The following IQCK variants were observed in gnomAD, a reference collection of about 807,000 sequenced individuals.
IQCK encodes the protein IQ domain-containing protein K.
In IQCK, 29 loss-of-function variants were observed where a neutral mutation model predicts 28.1. The observed-to-expected ratio is 1.03, with a 90% CI of 0.77 to 1.41. The LOEUF is 1.41. Among genes scored for constraint, IQCK ranks in the 40% most tolerant of loss-of-function variants. The pLI, the probability that IQCK is intolerant of heterozygous loss-of-function variation, is 0.00. For synonymous variants in IQCK, 113 were observed against 115.1 expected (o/e 0.98, Z 0.12); for missense variants, 359 against 314.7 (o/e 1.14, Z -1.07).
chr16:19,721,012 GAA>G (rs1174204582), intron 1 of IQCK, among the ~76,000 whole-genome samples: 4 of 114,876 alleles, frequency 3.5e-5, no homozygotes, highest in African/African-American at 1.2e-4. Context: ...AATCCGTCTA[GAA>G]AAAAAAAAAA....
At chr16:19,721,867 C>G (rs1054265925) in intron 1 of IQCK, among the ~76,000 whole-genome samples, 1 of 152,128 alleles carries the variant, frequency 6.6e-6, no homozygotes, top group Non-Finnish European at 1.5e-5. Context: ...CGTGAGCCAC[C>G]GCGCCTGGCC....
intron 2 of IQCK, 116 bp from the exon 3 acceptor site, chr16:19,733,581 AC>A (rs1356746281): frequency 8.8e-7 from 1 of 1,129,952 alleles, no homozygotes; most frequent in African/African-American, 1.5e-5. Flanking sequence ...TGCTCAGCGT[AC>A]CCCCTTGAAC....
At chr16:19,823,518 G>A (rs2056103303) in intron 7 of IQCK, among the ~76,000 whole-genome samples, 1 of 152,120 alleles carries the variant, frequency 6.6e-6, no homozygotes, top group African/African-American at 2.4e-5. Flanking sequence ...GAGACATGAG[G>A]GGACCACGGC....
chr16:19,848,316 C>T (rs1459693992), intron 9 of IQCK, among the ~76,000 whole-genome samples: 1 of 152,088 alleles, frequency 6.6e-6, no homozygotes, highest in Non-Finnish European at 1.5e-5. Flanking sequence ...TCCTTTCTGC[C>T]ATTGGGATAT....
chr16:19,809,733 TCCG>T (rs1349913861), intron 7 of IQCK, among the ~76,000 whole-genome samples: 35 of 152,308 alleles, frequency 2.3e-4, no homozygotes, highest in African/African-American at 7.5e-4. Flanking sequence ...GCAGCGGTTC[TCCG>T]ACTTTAGCCC....
intron 7 of IQCK, among the ~76,000 whole-genome samples, chr16:19,802,881 A>T (rs1872230422): frequency 6.6e-6 from 1 of 152,188 alleles, no homozygotes; most frequent in Non-Finnish European, 1.5e-5. Flanking sequence ...ACCCAGCAAG[A>T]GGAGAAACAT....
intron 4 of IQCK, among the ~76,000 whole-genome samples, chr16:19,760,340 T>C (rs1225048021): frequency 6.6e-6 from 1 of 152,138 alleles, no homozygotes; most frequent in Non-Finnish European, 1.5e-5. Flanking sequence ...GTCCAGGGAA[T>C]TTTGGCTTCA....
intron 9 of IQCK, among the ~76,000 whole-genome samples, chr16:19,840,798 A>G (rs2056355192): frequency 6.6e-6 from 1 of 152,244 alleles, no homozygotes. Flanking sequence ...TTAGGCTGCA[A>G]TGCACAGATG....
exon 8 of IQCK, chr16:19,827,172 A>C: frequency 7.1e-7 from 1 of 1,416,424 alleles, no homozygotes; most frequent in Non-Finnish European, 1.0e-6. Flanking sequence ...TAGTTCATTC[A>C]AGAAAAGCCT....
intron 9 of IQCK, among the ~76,000 whole-genome samples, chr16:19,839,528 C>T (rs1205712438): frequency 6.6e-6 from 1 of 152,152 alleles, no homozygotes; most frequent in Non-Finnish European, 1.5e-5. Flanking sequence ...TGTAAGTTCT[C>T]TGACAGCAGG....
intron 7 of IQCK, among the ~76,000 whole-genome samples, chr16:19,820,382 G>C (rs1187514112): frequency 1.3e-5 from 2 of 152,102 alleles, no homozygotes; most frequent in Non-Finnish European, 2.9e-5. Context: ...GGGCTTGGTG[G>C]CTCACGCCTG....
intron 9 of IQCK, among the ~76,000 whole-genome samples, chr16:19,836,436 T>C (rs928385744): frequency 1.3e-5 from 2 of 152,238 alleles, no homozygotes; most frequent in Non-Finnish European, 2.9e-5. Context: ...CCCACTGCAA[T>C]GCCTGAAGAT....
At position 19,806,708 on chromosome 16, in the gene IQCK, C is replaced by G. The variant is rs1195336299; in HGVS notation, c.690+17786C>G. Among the ~76,000 whole-genome samples, 3 of 137,674 alleles carry G rather than the reference C, an allele frequency of 2.2e-5. No individual in the cohort carries two copies. The Admixed American group carries it at 2.2e-4, about 10-fold the overall frequency. 90.3% of individuals were successfully genotyped at this position (137,674 alleles called of 152,430 possible). A position where few individuals can be genotyped will look rare whatever the true frequency, so the allele number is the denominator to read the frequency against. On this transcript the variant is annotated intron_variant, in intron 7 of 7. Coordinates refer to ENST00000564186, the Ensembl canonical transcript of IQCK. ...TGTCTCAAACCACTCCCCACCCCCC[C>G]ACCCCCCAAAAAAAGAAAAAATAAA... is the stretch of plus-strand genomic sequence containing the variant.
intron 4 of IQCK, among the ~76,000 whole-genome samples, chr16:19,743,934 A>G (rs1409846582): frequency 2.6e-5 from 4 of 152,232 alleles, no homozygotes; most frequent in Non-Finnish European, 5.9e-5. Context: ...TTACTATGCC[A>G]TAGAGCATTT....
chr16:19,809,980 C>T lies in IQCK; in HGVS notation c.691-17046C>T, dbSNP rs185025863. 6.2e-3 allele frequency among the ~76,000 whole-genome samples: 942 copies of T among 152,160 alleles called. 5 individuals carry two copies. Among genetic ancestry groups the T allele is most frequent in the African/African-American group, 0.022 (899 of 41,510 alleles). On this transcript the variant is annotated intron_variant, in intron 7 of 7. Transcript: ENST00000564186. ...TGACTGTACATTAGAAACACCAGGG[C>T]GGCGATAACAATCCTGAAGCCAGCA... is the stretch of plus-strand genomic sequence containing the variant.
chr16:19,761,848 A>G (rs891103669), intron 4 of IQCK: 4 of 168,528 alleles, frequency 2.4e-5, no homozygotes, highest in African/African-American at 9.6e-5. Flanking sequence ...TTCTCCTTAC[A>G]CATTTAGATG....
intron 1 of IQCK, among the ~76,000 whole-genome samples, chr16:19,722,644 T>A (rs911776106): frequency 1.3e-4 from 20 of 152,082 alleles, no homozygotes; most frequent in Non-Finnish European, 1.5e-5. Flanking sequence ...AGGCACTGTT[T>A]TAGACGCCAA....
Position 19,858,206 on chromosome 16 carries a change from C to T in IQCK, c.*1658C>T, listed in dbSNP as rs569736888. 2.5e-5 allele frequency: 8 copies of T among 322,806 alleles called. No homozygotes were observed. In the East Asian group the frequency reaches 3.8e-4, roughly 15 times the overall value. 20.0% of individuals were successfully genotyped at this position (322,806 alleles called of 1,614,324 possible). ...TAGTCATTAGAAAAAGAACAGCTCT[C>T]TCCCTTCTCCTCTCACTCCCGCCTC... is the stretch of plus-strand genomic sequence containing the variant. On this transcript the variant is annotated 3_prime_UTR_variant, in exon 10 of 10. Transcript: ENST00000320394.
intron 4 of IQCK, among the ~76,000 whole-genome samples, chr16:19,754,756 G>A (rs1401290427): frequency 6.6e-6 from 1 of 152,016 alleles, no homozygotes; most frequent in Non-Finnish European, 1.5e-5. Context: ...GGTCAGTGAG[G>A]GAAGAAACTC....
Sources: allele counts gnomAD v4.1 joint callset (sites outside exome capture counted in the v4.1 genomes callset), GRCh38; gene constraint gnomAD v4.1.1; transcripts MANE v1.5; gene names NCBI Gene and HGNC (gene_info 2026-07-23, HGNC 2026-07-21).